Variants in NKAIN3 observed in about 807,000 individuals in gnomAD.
NKAIN3 encodes the protein sodium/potassium transporting ATPase interacting 3, also known as sodium/potassium-transporting ATPase subunit beta-1-interacting protein 3.
Under a neutral mutation model 30.2 loss-of-function variants are expected in NKAIN3, and 25 were observed. That is an observed-to-expected ratio of 0.83 (90% confidence interval 0.60 to 1.16). The LOEUF is 1.16. NKAIN3 is among the 50% of genes most tolerant of loss of function. NKAIN3 has a pLI of 0.00. For synonymous variants in NKAIN3, 91 were observed against 89.6 expected (o/e 1.02, Z -0.09); for missense variants, 225 against 254.1 (o/e 0.89, Z 0.78).
At chr8:62,273,205 T>C (rs1432650817) in intron 1 of NKAIN3, among the ~76,000 whole-genome samples, 1 of 152,238 alleles carries the variant, frequency 6.6e-6, no homozygotes, top group Non-Finnish European at 1.5e-5. Flanking sequence ...TTTTTAATTA[T>C]GTCTGTTCAT....
At chr8:62,550,615 T>G (rs1809172761) in intron 1 of NKAIN3, among the ~76,000 whole-genome samples, 2 of 152,112 alleles carry the variant, frequency 1.3e-5, no homozygotes, top group East Asian at 3.9e-4. Flanking sequence ...TTTAAAAGAG[T>G]AAAGTTCTCA....
chr8:62,266,557 T>G (rs949759433), intron 1 of NKAIN3, among the ~76,000 whole-genome samples: 5 of 152,228 alleles, frequency 3.3e-5, no homozygotes, highest in African/African-American at 1.2e-4. Context: ...AAAGGAAATC[T>G]TGAGAAATTG....
intron 6 of NKAIN3, among the ~76,000 whole-genome samples, chr8:62,955,492 A>T (rs1453824698): frequency 6.6e-6 from 1 of 152,144 alleles, no homozygotes; most frequent in Non-Finnish European, 1.5e-5. Context: ...TATATTTGTT[A>T]TGTGATAAGA....
intron 3 of NKAIN3, among the ~76,000 whole-genome samples, chr8:62,647,527 A>G (rs181640632): frequency 6.6e-6 from 1 of 152,268 alleles, no homozygotes; most frequent in East Asian, 1.9e-4. Context: ...TCCGACCTTA[A>G]CTAGGAAAGG....
At position 62,982,325 on chromosome 8, in the gene NKAIN3, T is replaced by C. The variant is rs887157956; in HGVS notation, c.*16918T>C. On this transcript the variant is annotated 3_prime_UTR_variant, in exon 7 of 7. Coordinates refer to ENST00000623646, the MANE Select transcript of NKAIN3 (RefSeq NM_001304533.3). ...TCATCTGCTGGAAAACTTTTTCTGA[T>C]AACCATACATATCTTCAATGTCTAC... 6.6e-6 allele frequency: 1 copy of C among 152,244 alleles called. No individual in the cohort carries two copies. The highest frequency in any genetic ancestry group is 2.4e-5 in the African/African-American group (1 of 41,472). The allele number at this position is 152,244 out of a possible 1,614,324, so 9.4% of individuals were successfully genotyped here.
chr8:62,753,013 G>A (rs754104828), intron 4 of NKAIN3, among the ~76,000 whole-genome samples: 61 of 152,112 alleles, frequency 4.0e-4, no homozygotes, highest in Admixed American at 1.0e-3. Context: ...TTGTTCTTCC[G>A]CATGTTCTTT....
At chr8:62,300,273 G>A (rs1585652733) in intron 1 of NKAIN3, among the ~76,000 whole-genome samples, 3 of 151,988 alleles carry the variant, frequency 2.0e-5, no homozygotes, top group Non-Finnish European at 2.9e-5. Flanking sequence ...TTAATTCAAC[G>A]TAGGAAAGAA....
downstream of NKAIN3, among the ~76,000 whole-genome samples, chr8:62,986,419 A>T (rs1228094120): frequency 6.6e-6 from 1 of 152,164 alleles, no homozygotes; most frequent in African/African-American, 2.4e-5. Context: ...GCCCACTATC[A>T]CTGGACTGCC....
At chr8:62,448,792 G>A (rs2092167975) in intron 1 of NKAIN3, among the ~76,000 whole-genome samples, 1 of 151,922 alleles carries the variant, frequency 6.6e-6, no homozygotes, top group South Asian at 2.1e-4. Context: ...AAATTTTAAA[G>A]TTATAAAGCA....
intron 3 of NKAIN3, among the ~76,000 whole-genome samples, chr8:62,714,337 GA>G (rs147395295): frequency 0.023 from 3,376 of 149,016 alleles, 96 homozygotes; most frequent in African/African-American, 0.072. Flanking sequence ...AAATAAAAAA[GA>G]AAAAAAAATA....
At chr8:62,654,798 G>T (rs2130342356) in intron 3 of NKAIN3, among the ~76,000 whole-genome samples, 1 of 151,978 alleles carries the variant, frequency 6.6e-6, no homozygotes, top group Middle Eastern at 3.4e-3. Context: ...ATGAAACAAG[G>T]GAATGAATTA....
At chr8:62,655,632 G>A (rs1291606637) in intron 3 of NKAIN3, among the ~76,000 whole-genome samples, 1 of 152,158 alleles carries the variant, frequency 6.6e-6, no homozygotes, top group Non-Finnish European at 1.5e-5. Context: ...AACTATGTTG[G>A]TGATAGTCTA....
intron 5 of NKAIN3, among the ~76,000 whole-genome samples, chr8:62,948,379 T>C (rs2130891199): frequency 6.6e-6 from 1 of 152,244 alleles, no homozygotes; most frequent in East Asian, 1.9e-4. Context: ...TTTGTATTTT[T>C]AGTATAGATG....
intron 4 of NKAIN3, among the ~76,000 whole-genome samples, chr8:62,794,738 C>A (rs1452822538): frequency 2.0e-5 from 3 of 152,032 alleles, no homozygotes; most frequent in Non-Finnish European, 4.4e-5. Context: ...TGTGATACTG[C>A]GTATAATTTG....
intron 4 of NKAIN3, among the ~76,000 whole-genome samples, chr8:62,903,819 G>A (rs977702824): frequency 5.3e-5 from 8 of 152,118 alleles, no homozygotes; most frequent in Admixed American, 3.9e-4. Context: ...CAGGGTGGCG[G>A]GAGAGAGAAT....
At chr8:62,436,713 T>C (rs1407637371) in intron 1 of NKAIN3, among the ~76,000 whole-genome samples, 2 of 152,164 alleles carry the variant, frequency 1.3e-5, no homozygotes, top group African/African-American at 2.4e-5. Flanking sequence ...AAAATAATGA[T>C]GTTATAAATG....
chr8:62,749,709 T>G (rs1306638563), intron 4 of NKAIN3, among the ~76,000 whole-genome samples: 11 of 138,628 alleles, frequency 7.9e-5, no homozygotes, highest in Non-Finnish European at 1.4e-4. Context: ...TAAGACGGAG[T>G]TTTGCTCTTG....
At chr8:62,284,349 C>T (rs1344997384) in intron 1 of NKAIN3, among the ~76,000 whole-genome samples, 1 of 151,940 alleles carries the variant, frequency 6.6e-6, no homozygotes. Flanking sequence ...GTAGACTGTA[C>T]CCAGGCGCGG....
At chr8:62,541,654 A>AT (rs1453373039) in intron 1 of NKAIN3, among the ~76,000 whole-genome samples, 9 of 151,244 alleles carry the variant, frequency 6.0e-5, no homozygotes, top group South Asian at 2.1e-4. Flanking sequence ...TCTATTATCC[A>AT]TTTTTTTGCT....
Sources: gnomAD v4.1 joint callset for allele counts (sites outside exome capture counted in the v4.1 genomes callset) on GRCh38, gnomAD v4.1.1 for gene constraint, MANE v1.5 for transcripts, NCBI Gene and HGNC (gene_info 2026-07-23, HGNC 2026-07-21) for gene names.